Variants in TMEM163 observed in about 807,000 individuals in gnomAD.
TMEM163 encodes the protein transmembrane protein 163.
TMEM163 carries 17 observed loss-of-function variants against 29.3 expected under a neutral mutation model. That is an observed-to-expected ratio of 0.58 (90% CI 0.40 to 0.87). The LOEUF (loss-of-function observed/expected upper bound fraction) is 0.87. Among genes scored for constraint, TMEM163 ranks in the 40% least tolerant of loss-of-function variants. The pLI is 0.00. For missense variants in TMEM163, 303 were observed against 381.5 expected, an observed-to-expected ratio of 0.79 and a Z score of 1.71; for synonymous variants, 157 against 160.6, an observed-to-expected ratio of 0.98 and a Z score of 0.17.
chr2:134,577,800 C>T lies in TMEM163; in HGVS notation c.323-25709G>A, dbSNP rs901091740. Among the ~76,000 whole-genome samples the T allele has an allele frequency of 6.1e-5, 9 of 148,154 alleles. No individual in the cohort carries two copies. The East Asian group carries it at 1.4e-3, about 23-fold the overall frequency. On this transcript the variant is annotated intron_variant, in intron 2 of 7. Coordinates refer to ENST00000281924, the MANE Select transcript of TMEM163 (RefSeq NM_030923.5). ...TCTGTGGATTCAATCAACCATAGATCGAAAACATGTGGGGGGGAAAAATAC... is the reference window on the plus strand; with the variant it reads ...TCTGTGGATTCAATCAACCATAGATTGAAAACATGTGGGGGGGAAAAATAC...
At chr2:134,499,277 TCA>T (rs1679650054) in intron 5 of TMEM163, among the ~76,000 whole-genome samples, 2 of 152,242 alleles carry the variant, frequency 1.3e-5, no homozygotes, top group Admixed American at 1.3e-4. Context: ...AACTATCTTT[TCA>T]TGCTAAAATA....
chr2:134,583,491 C>G (rs547649120), intron 2 of TMEM163, among the ~76,000 whole-genome samples: 45 of 152,270 alleles, frequency 3.0e-4, no homozygotes, highest in Admixed American at 9.8e-4. Flanking sequence ...AGTTCAGCAC[C>G]ATGACACTTC....
chr2:134,683,561 T>G (rs995681706), intron 2 of TMEM163, among the ~76,000 whole-genome samples: 1 of 152,134 alleles, frequency 6.6e-6, no homozygotes, highest in African/African-American at 2.4e-5. Context: ...AACTTGACAC[T>G]ATTACCTAAA....
intron 4 of TMEM163, among the ~76,000 whole-genome samples, chr2:134,545,355 T>G (rs1165861074): frequency 6.6e-6 from 1 of 152,152 alleles, no homozygotes; most frequent in Non-Finnish European, 1.5e-5. Flanking sequence ...CCTTTTACCT[T>G]TCTTGCCCTA....
Position 134,561,304 on chromosome 2 carries a change from C to T in TMEM163, c.323-9213G>A, listed in dbSNP as rs770980509. Among the ~76,000 whole-genome samples the T allele has an allele frequency of 7.2e-5, 11 of 152,190 alleles. 1 individual carries two copies. The highest frequency in any genetic ancestry group is 9.7e-5 in the African/African-American group (4 of 41,438). ...CTGCAAGCTCCGCCTTCTGGGTTCA[C>T]GCCATTCTCCAGCCTCAGCCTCCCG... is the stretch of plus-strand genomic sequence containing the variant. On this transcript the variant is annotated intron_variant, in intron 2 of 7. Coordinates refer to ENST00000281924, the MANE Select transcript of TMEM163 (RefSeq NM_030923.5).
rs16830751 is a variant in TMEM163, at chr2:134,518,596, C to T, written c.459-15599G>A. ...GGGGTCGCGTAAAAGACTTTTGGTG[C>T]CACATCACATCTTCTTGGCCAGCTC... is the stretch of plus-strand genomic sequence containing the variant. On this transcript the variant is annotated intron_variant, in intron 4 of 7. Coordinates refer to ENST00000281924, the MANE Select transcript of TMEM163 (RefSeq NM_030923.5). Among the ~76,000 whole-genome samples, 1,501 of 152,238 alleles carry T rather than the reference C, an allele frequency of 9.9e-3. 22 individuals carry two copies. Among genetic ancestry groups the T allele is most frequent in the African/African-American group, 0.034 (1,405 of 41,530 alleles).
chr2:134,707,241 G>A (rs1245457611), intron 2 of TMEM163, among the ~76,000 whole-genome samples: 2 of 152,182 alleles, frequency 1.3e-5, no homozygotes, highest in Admixed American at 6.5e-5. Flanking sequence ...AGGAGCTTGC[G>A]AAGAGGCCCG....
rs559167362 is a variant in TMEM163, at chr2:134,550,723, C to T, written c.367-62G>A. 9 of 1,483,564 alleles carry T rather than the reference C, an allele frequency of 6.1e-6. No homozygotes were observed. In the South Asian group the frequency reaches 7.9e-5, roughly 13 times the overall value. The allele number at this position is 1,483,564 out of a possible 1,614,324, so 91.9% of individuals were successfully genotyped here. On this transcript the variant is annotated intron_variant, in intron 3 of 7. Coordinates refer to ENST00000281924, the MANE Select transcript of TMEM163 (RefSeq NM_030923.5). ...AGTTAATAGCACACAAATGTGAAGA[C>T]ACAGGACAACTGTGCTGTGACTCAG...
At chr2:134,488,112 C>T (rs368892480) in intron 5 of TMEM163, among the ~76,000 whole-genome samples, 6 of 152,108 alleles carry the variant, frequency 3.9e-5, no homozygotes, top group Middle Eastern at 3.4e-3. Context: ...AAATATTAGG[C>T]GAAATTATTT....
chr2:134,474,963 T>C (rs2106477541), intron 5 of TMEM163, among the ~76,000 whole-genome samples: 1 of 152,290 alleles, frequency 6.6e-6, no homozygotes, highest in Admixed American at 6.5e-5. Flanking sequence ...GCAGGCTTTT[T>C]TAAAGAAATA....
At position 134,481,915 on chromosome 2, in the gene TMEM163, G is replaced by A. The variant is rs377059836; in HGVS notation, c.556-15690C>T. Among the ~76,000 whole-genome samples the A allele has an allele frequency of 2.6e-5, 4 of 152,092 alleles. No homozygotes were observed. The East Asian group carries it at 5.8e-4, about 22-fold the overall frequency. On this transcript the variant is annotated intron_variant, in intron 5 of 7. Transcript: ENST00000281924. Reference sequence around the variant, plus strand: ...CTCGGGGGTCAGGATGTCTCAAGGCGACCTTCCACCTCCTCCAACGTGCTC... The same window carrying A: ...CTCGGGGGTCAGGATGTCTCAAGGCAACCTTCCACCTCCTCCAACGTGCTC...
intron 2 of TMEM163, among the ~76,000 whole-genome samples, chr2:134,708,734 G>A (rs1414785942): frequency 4.6e-5 from 7 of 152,008 alleles, no homozygotes; most frequent in African/African-American, 1.4e-4. Flanking sequence ...CTACAGGCAC[G>A]CGCCAACACA....
chr2:134,515,830 C>T (rs1283878602), intron 4 of TMEM163, among the ~76,000 whole-genome samples: 1 of 152,164 alleles, frequency 6.6e-6, no homozygotes, highest in African/African-American at 2.4e-5. Context: ...ACTTTGTTCC[C>T]TTCTACTTTT....
intron 2 of TMEM163, among the ~76,000 whole-genome samples, chr2:134,613,064 C>T (rs936631590): frequency 6.6e-6 from 1 of 152,014 alleles, no homozygotes; most frequent in African/African-American, 2.4e-5. Flanking sequence ...AGTAAAGAGA[C>T]ATAAATTATT....
chr2:134,715,923 TA>T (rs1685028343), intron 1 of TMEM163, among the ~76,000 whole-genome samples: 1 of 152,220 alleles, frequency 6.6e-6, no homozygotes, highest in South Asian at 2.1e-4. Context: ...CTGGGAATAC[TA>T]AGCATAGTAC....
intron 4 of TMEM163, among the ~76,000 whole-genome samples, chr2:134,536,358 G>A (rs948363391): frequency 1.8e-4 from 27 of 152,122 alleles, no homozygotes; most frequent in African/African-American, 3.1e-4. Flanking sequence ...GAGACACCCC[G>A]GTGGCAGTGA....
At chr2:134,628,711 C>A (rs1241044714) in intron 2 of TMEM163, among the ~76,000 whole-genome samples, 2 of 152,236 alleles carry the variant, frequency 1.3e-5, no homozygotes, top group Non-Finnish European at 2.9e-5. Flanking sequence ...TGGGAGCTTG[C>A]ACCTGGTTTC....
At chr2:134,703,039 G>A (rs1684736136) in intron 2 of TMEM163, among the ~76,000 whole-genome samples, 1 of 152,142 alleles carries the variant, frequency 6.6e-6, no homozygotes, top group Non-Finnish European at 1.5e-5. Context: ...CCAGTGTCAG[G>A]ATATACTGAA....
intron 5 of TMEM163, among the ~76,000 whole-genome samples, chr2:134,480,975 G>A (rs1185839083): frequency 3.9e-5 from 6 of 152,196 alleles, no homozygotes; most frequent in South Asian, 4.2e-4. Flanking sequence ...CATGACCCCC[G>A]AAGTTCCTTC....
Sources: allele counts gnomAD v4.1 joint callset (sites outside exome capture counted in the v4.1 genomes callset), GRCh38; gene constraint gnomAD v4.1.1; transcripts MANE v1.5; gene names NCBI Gene and HGNC (gene_info 2026-07-23, HGNC 2026-07-21).